The following SRI variants were observed in gnomAD, a reference collection of about 807,000 sequenced individuals.
SRI encodes 22 kDa protein.
SRI carries 30 observed loss-of-function variants against 33.3 expected under a neutral mutation model. The observed-to-expected ratio is 0.90, with a 90% CI of 0.67 to 1.22. The LOEUF is 1.22. Among genes scored for constraint, SRI ranks in the 50% most tolerant of loss-of-function variants. The pLI, the probability that SRI is intolerant of heterozygous loss-of-function variation, is 0.00. For missense variants in SRI, 243 were observed against 250.8 expected (o/e 0.97, Z 0.21); for synonymous variants, 75 against 89.9 (o/e 0.83, Z 0.94).
chr7:88,211,033 T>G, intron 3 of SRI, 108 bp from the exon 4 acceptor site: 1 of 866,194 alleles, frequency 1.2e-6, no homozygotes, highest in South Asian at 1.6e-5. Flanking sequence ...ACTTTTATTT[T>G]TATATGCTAT....
upstream of SRI, among the ~76,000 whole-genome samples, chr7:88,222,980 A>G (rs950870208): frequency 1.3e-5 from 2 of 152,068 alleles, no homozygotes; most frequent in African/African-American, 4.8e-5. Flanking sequence ...CAATGGCAAC[A>G]AAAGACAAAA....
chr7:88,219,408 G>A (rs956767968), intron 1 of SRI: 1 of 197,226 alleles, frequency 5.1e-6, no homozygotes, highest in Non-Finnish European at 1.1e-5. Context: ...CGTGGGTGGC[G>A]AGGGAACATT....
At chr7:88,222,766 A>G (rs909180025), upstream of SRI, among the ~76,000 whole-genome samples, 1 of 152,242 alleles carries the variant, frequency 6.6e-6, no homozygotes, top group African/African-American at 2.4e-5. Flanking sequence ...TCCCTATTTA[A>G]TAAATGGTGC....
intron 2 of SRI, among the ~76,000 whole-genome samples, chr7:88,217,937 G>T (rs934061122): frequency 6.6e-6 from 1 of 152,198 alleles, no homozygotes; most frequent in Admixed American, 6.5e-5. Context: ...TACTTAAGGG[G>T]AAGGTCTTCC....
chr7:88,226,457 G>A (rs1851998468), intron 1 of SRI, among the ~76,000 whole-genome samples: 1 of 152,098 alleles, frequency 6.6e-6, no homozygotes, highest in Non-Finnish European at 1.5e-5. Flanking sequence ...GAGAGAGGAG[G>A]GGAAGATAAT....
intron 3 of SRI, chr7:88,216,758 G>A (rs1204529860): frequency 5.0e-5 from 10 of 199,970 alleles, no homozygotes; most frequent in Non-Finnish European, 1.0e-4. Context: ...AGATTGGCAG[G>A]TAGGATGGAA....
upstream of SRI, among the ~76,000 whole-genome samples, chr7:88,223,237 T>A (rs73397649): frequency 0.033 from 5,067 of 152,324 alleles, 297 homozygotes; most frequent in African/African-American, 0.11. Context: ...GACATATATA[T>A]AATAATAAAA....
chr7:88,211,953 C>A (rs1204958644), intron 3 of SRI, among the ~76,000 whole-genome samples: 1 of 152,178 alleles, frequency 6.6e-6, no homozygotes, highest in Non-Finnish European at 1.5e-5. Context: ...TTAAAAACCA[C>A]CTCTTACATT....
At chr7:88,208,435 C>T in intron 7 of SRI, 72 bp downstream of exon 7, 2 of 1,587,764 alleles carry the variant, frequency 1.3e-6, no homozygotes, top group Non-Finnish European at 8.6e-7. Flanking sequence ...TTCTTAACAG[C>T]TAATTTCAAA....
upstream of SRI, among the ~76,000 whole-genome samples, chr7:88,223,601 G>A (rs952455307): frequency 5.3e-5 from 8 of 152,172 alleles, no homozygotes; most frequent in Non-Finnish European, 7.3e-5. Context: ...AATGGATGTC[G>A]CTGGGTTCCA....
At chr7:88,223,509 A>T (rs1379698325), upstream of SRI, among the ~76,000 whole-genome samples, 2 of 152,100 alleles carry the variant, frequency 1.3e-5, no homozygotes, top group East Asian at 3.9e-4. Flanking sequence ...TGGTATGTAG[A>T]CTATGTAGTC....
At chr7:88,216,508 G>A (rs1851719970) in intron 3 of SRI, among the ~76,000 whole-genome samples, 1 of 152,176 alleles carries the variant, frequency 6.6e-6, no homozygotes, top group Non-Finnish European at 1.5e-5. Context: ...GACCAGGAGT[G>A]CAGGATAGGC....
chr7:88,214,242 G>C (rs1002594518), intron 3 of SRI, among the ~76,000 whole-genome samples: 1 of 152,206 alleles, frequency 6.6e-6, no homozygotes, highest in Non-Finnish European at 1.5e-5. Flanking sequence ...TAAGCAAAGA[G>C]AGAAGTAGAA....
chr7:88,222,444 A>G (rs1420996615), upstream of SRI, among the ~76,000 whole-genome samples: 5 of 150,270 alleles, frequency 3.3e-5, no homozygotes, highest in Non-Finnish European at 5.9e-5. Flanking sequence ...GCCAGTGATG[A>G]TGAGCATTTT....
chr7:88,208,269 TACA>T (rs550076842), intron 7 of SRI: 351 of 1,061,596 alleles, frequency 3.3e-4, no homozygotes, highest in Non-Finnish European at 4.1e-4. Context: ...AGCTAATAAA[TACA>T]ACAAGCTGGG....
In SRI at chr7:88,209,353, A is replaced by G. The variant is rs754190801; in HGVS notation, c.497T>C (p.Leu166Pro). Residue 166 changes from leucine to proline, a missense_variant, in exon 6 of 8, where the codon CTG becomes CCG. Transcript: ENST00000265729. ...FDDYIACCVK[L>P]RALTDSFRRR... is the part of the protein sequence containing the mutation. ...ATAGAACTCACCTGTAAGAGCCCTC[A>G]GTTTGACGCAGCAGGCGATGTAGTC... is the stretch of plus-strand genomic sequence containing the variant. 2 of 1,613,882 alleles carry G rather than the reference A, an allele frequency of 1.2e-6. No individual in the cohort carries two copies. Among genetic ancestry groups the G allele is most frequent in the Non-Finnish European group, 8.5e-7 (1 of 1,179,806 alleles).
chr7:88,219,775 G>C (rs1359317766), intron 1 of SRI, among the ~76,000 whole-genome samples: 1 of 152,176 alleles, frequency 6.6e-6, no homozygotes, highest in Non-Finnish European at 1.5e-5. Context: ...GGGCCATCCA[G>C]GAGAAGGGAC....
Position 88,205,834 on chromosome 7 carries a change from T to G in SRI, c.*644A>C, listed in dbSNP as rs1483529858. The G allele has an allele frequency of 6.6e-6, 1 of 152,612 alleles. No homozygotes were observed. The highest frequency in any genetic ancestry group is 1.5e-5 in the Non-Finnish European group (1 of 68,030). The allele number at this position is 152,612 out of a possible 1,614,324, so 9.5% of individuals were successfully genotyped here. A position where few individuals can be genotyped will look rare whatever the true frequency, so the allele number is the denominator to read the frequency against. The stretch of plus-strand genomic sequence containing the variant: ...TTGTTAATATTTCCATATATTCCCT[T>G]AGTCTTTTTCTATCAATTTTCTTTT... On this transcript the variant is annotated 3_prime_UTR_variant, in exon 8 of 8. Transcript: ENST00000265729.
chr7:88,210,092 T>C lies in SRI; in HGVS notation c.288A>G (p.Lys96=). Residue 96 remains lysine (K), a synonymous_variant, in exon 5 of 8, where the codon AAA becomes AAG. Transcript: ENST00000265729. ...AGCCATTCAGTACAGCCCAGAGTTCTTTAAATTCATTGAAACCCATTGTGC... is the reference window on the plus strand; with the variant it reads ...AGCCATTCAGTACAGCCCAGAGTTCCTTAAATTCATTGAAACCCATTGTGC... ...MSGTMGFNEF[K]ELWAVLNGWR... 6.2e-7 allele frequency: 1 copy of C among 1,614,190 alleles called. No homozygotes were observed. The highest frequency in any genetic ancestry group is 8.5e-7 in the Non-Finnish European group (1 of 1,180,024).
Sources: gnomAD v4.1 joint callset for allele counts (sites outside exome capture counted in the v4.1 genomes callset) on GRCh38, gnomAD v4.1.1 for gene constraint, MANE v1.5 for transcripts, NCBI Gene and HGNC (gene_info 2026-07-23, HGNC 2026-07-21) for gene names.